NFIB: variants seen among roughly 807,000 people sequenced by gnomAD.
NFIB encodes the protein nuclear factor 1 B-type.
Under a neutral mutation model 61.5 loss-of-function variants are expected in NFIB, and 11 were observed. The ratio of observed to expected loss-of-function variants is 0.18; its 90% CI spans 0.11 to 0.30. NFIB has a LOEUF of 0.30. Ranked by LOEUF, NFIB falls within the 10% of genes least tolerant of loss-of-function variation. The pLI, the probability that NFIB is intolerant of heterozygous loss-of-function variation, is 1.00. For synonymous variants in NFIB, 260 were observed against 216.5 expected (o/e 1.20, Z -1.76); for missense variants, 471 against 608.9 (o/e 0.77, Z 2.38).
chr9:14,507,727 A>G, the NFIB span, among the ~76,000 whole-genome samples: 1 of 152,204 alleles, frequency 6.6e-6, no homozygotes, highest in African/African-American at 2.4e-5. Context: ...GAGGAGAGTG[A>G]GAAGAAGAAA....
chr9:14,107,434 T>C (rs969825714), intron 10 of NFIB, among the ~76,000 whole-genome samples: 3 of 152,074 alleles, frequency 2.0e-5, no homozygotes, highest in Non-Finnish European at 4.4e-5. Flanking sequence ...TTAGCAGAAG[T>C]AGAATTAACT....
chr9:14,456,106 T>A, the NFIB span, among the ~76,000 whole-genome samples: 1 of 152,282 alleles, frequency 6.6e-6, no homozygotes, highest in Admixed American at 6.5e-5. Context: ...GATTCGATCA[T>A]AATACCATTT....
intron 2 of NFIB, 44 bp from the exon 3 acceptor site, chr9:14,179,824 G>GA: frequency 6.3e-7 from 1 of 1,595,672 alleles, no homozygotes; most frequent in Non-Finnish European, 8.6e-7. Context: ...AATTTGTTTT[G>GA]AAAGAATTTC....
At chr9:14,472,313 G>T in the NFIB span, among the ~76,000 whole-genome samples, 1 of 152,174 alleles carries the variant, frequency 6.6e-6, no homozygotes, top group African/African-American at 2.4e-5. Context: ...CCTCTAGCCT[G>T]GTGCTACTCC....
At chr9:14,506,143 G>C in the NFIB span, among the ~76,000 whole-genome samples, 38 of 152,118 alleles carry the variant, frequency 2.5e-4, no homozygotes, top group Admixed American at 9.2e-4. Flanking sequence ...TTGAAATTTG[G>C]TGTGTAAGTT....
the NFIB span, among the ~76,000 whole-genome samples, chr9:14,427,945 T>TTTTG: frequency 2.7e-3 from 258 of 94,494 alleles, 26 homozygotes; most frequent in African/African-American, 0.011. Flanking sequence ...TTGTTTTTTT[T>TTTTG]TTTTTTTTTT....
chr9:14,468,809 T>A, the NFIB span, among the ~76,000 whole-genome samples: 1 of 152,214 alleles, frequency 6.6e-6, no homozygotes, highest in Non-Finnish European at 1.5e-5. Context: ...ATGATCACAC[T>A]CACTGATAGG....
chr9:14,154,265 A>G (rs559481706), intron 4 of NFIB, among the ~76,000 whole-genome samples: 6 of 152,146 alleles, frequency 3.9e-5, no homozygotes, highest in Admixed American at 1.3e-4. Flanking sequence ...CTACTGCCCT[A>G]CTCCTAAGAA....
chr9:14,180,670 T>G (rs2046668341), intron 2 of NFIB: 1 of 152,212 alleles, frequency 6.6e-6, no homozygotes, highest in Admixed American at 6.5e-5. Flanking sequence ...TGCGAGTTGC[T>G]TTGTAATCTT....
chr9:14,412,447 C>T, the NFIB span, among the ~76,000 whole-genome samples: 1 of 152,206 alleles, frequency 6.6e-6, no homozygotes, highest in African/African-American at 2.4e-5. Context: ...AGCTAAGGAA[C>T]AAGTTGACAG....
chr9:14,249,082 C>A (rs542002679), intron 2 of NFIB, among the ~76,000 whole-genome samples: 8 of 152,288 alleles, frequency 5.3e-5, no homozygotes, highest in African/African-American at 1.9e-4. Context: ...CAAATAGCAG[C>A]AAGAATTTGA....
chr9:14,390,906 C>A (rs2061611778), intron 1 of NFIB, among the ~76,000 whole-genome samples: 1 of 152,168 alleles, frequency 6.6e-6, no homozygotes, highest in Non-Finnish European at 1.5e-5. Flanking sequence ...GTAGCCTAAA[C>A]AGACTAAGAC....
At chr9:14,439,961 G>A in the NFIB span, among the ~76,000 whole-genome samples, 104 of 152,332 alleles carry the variant, frequency 6.8e-4, no homozygotes, top group African/African-American at 2.5e-3. Context: ...GAAGAACTTT[G>A]GGGTGGGAAT....
chr9:14,307,266 G>C lies in NFIB; in HGVS notation c.285C>G (p.Thr95=). Residue 95 remains threonine (T), a synonymous_variant, in exon 2 of 11, where the codon ACC becomes ACG. Coordinates refer to ENST00000380953, the MANE Select transcript of NFIB (RefSeq NM_001190737.2). This position sits in a 1 kb window ranked among gnomAD's most constrained non-coding sequence, Gnocchi z 5.3. ...RQEYREDFVL[T]VTGKKHPCCV... ...AGCACGGGTGCTTCTTGCCAGTCACGGTGAGCACAAAGTCCTCTCGATACT... is the reference window on the plus strand; with the variant it reads ...AGCACGGGTGCTTCTTGCCAGTCACCGTGAGCACAAAGTCCTCTCGATACT... 4.3e-6 allele frequency: 7 copies of C among 1,613,948 alleles called. No individual in the cohort carries two copies. Among genetic ancestry groups the C allele is most frequent in the Non-Finnish European group, 5.1e-6 (6 of 1,180,026 alleles).
intron 1 of NFIB, among the ~76,000 whole-genome samples, chr9:14,332,640 T>G (rs1206799185): frequency 6.6e-6 from 1 of 152,142 alleles, no homozygotes; most frequent in African/African-American, 2.4e-5. Context: ...GCTGCCCAAA[T>G]GCTAAGAATT....
At chr9:14,521,184 T>C in the NFIB span, among the ~76,000 whole-genome samples, 9 of 152,230 alleles carry the variant, frequency 5.9e-5, no homozygotes, top group Non-Finnish European at 1.2e-4. Context: ...TGAAAGGAGA[T>C]TGAATAAAAT....
chr9:14,149,315 A>G (rs2042611965), intron 5 of NFIB, among the ~76,000 whole-genome samples: 1 of 152,188 alleles, frequency 6.6e-6, no homozygotes, highest in Admixed American at 6.6e-5. Flanking sequence ...AAATAAATAT[A>G]CAGGTATCCT....
intron 10 of NFIB, among the ~76,000 whole-genome samples, chr9:14,109,277 T>A (rs1320296998): frequency 1.3e-5 from 2 of 152,080 alleles, no homozygotes; most frequent in African/African-American, 4.8e-5. Flanking sequence ...CTCAGGGAGA[T>A]AAAATTTGGG....
At position 14,307,088 on chromosome 9, in the gene NFIB, G is replaced by A; in HGVS notation, c.463C>T (p.Pro155Ser). 6.2e-7 allele frequency: 1 copy of A among 1,614,108 alleles called. No homozygotes were observed. The highest frequency in any genetic ancestry group is 8.5e-7 in the Non-Finnish European group (1 of 1,180,016). The change falls in exon 2 of 11, where the codon CCA becomes TCA. Residue 155 changes from proline (P) to serine (S), a missense_variant. Physicochemically the swap from Pro to Ser is moderately conservative, Grantham distance 74. Transcript: ENST00000380953. The surrounding 1 kb of genome is among the most constrained non-coding windows in gnomAD (Gnocchi z 5.3). ...STDGERLMKS[P>S]HCTNPALCVQ... Reference sequence around the variant, plus strand: ...CAAAGTGCTGGGTTTGTGCAATGTGGGGATTTCATGAGCCGCTCTCCATCG... The same window carrying A: ...CAAAGTGCTGGGTTTGTGCAATGTGAGGATTTCATGAGCCGCTCTCCATCG...
Sources: allele counts gnomAD v4.1 joint callset (sites outside exome capture counted in the v4.1 genomes callset), GRCh38; gene constraint gnomAD v4.1.1; non-coding constraint Gnocchi (gnomAD v3.1); transcripts MANE v1.5; gene names NCBI Gene and HGNC (gene_info 2026-07-23, HGNC 2026-07-21).